Variants in KLF8 observed in about 807,000 individuals in gnomAD.
KLF8 encodes the protein KLF transcription factor 8.
A neutral mutation model predicts 18.2 loss-of-function variants in KLF8; 10 were observed. That is an observed-to-expected ratio of 0.55 (90% CI 0.34 to 0.93). The LOEUF is 0.93. KLF8 is among the 40% of genes least tolerant of loss of function. The pLI is 0.02. For synonymous variants in KLF8, 109 were observed against 97.3 expected, an observed-to-expected ratio of 1.12 and a Z score of -0.71; for missense variants, 264 against 277.9, an observed-to-expected ratio of 0.95 and a Z score of 0.36.
chrX:56,112,510 G>T, the KLF8 span, among the ~76,000 whole-genome samples: 325 of 111,874 alleles, frequency 2.9e-3, 1 homozygote, highest in African/African-American at 9.8e-3. Flanking sequence ...AAACAAATTG[G>T]TATTTTTTGG....
At chrX:55,921,541 T>G in the KLF8 span, among the ~76,000 whole-genome samples, 1 of 109,793 alleles carries the variant, frequency 9.1e-6, no homozygotes, top group African/African-American at 3.3e-5. Flanking sequence ...GCAATACCAT[T>G]CAGGGCATAG....
At chrX:56,056,675 A>G in the KLF8 span, among the ~76,000 whole-genome samples, 12,374 of 84,475 alleles carry the variant, frequency 0.15, 3,213 homozygotes, top group African/African-American at 0.58. Flanking sequence ...GGGAGGGATA[A>G]CATTGGGAGA....
chrX:56,024,468 G>T, the KLF8 span, among the ~76,000 whole-genome samples: 1 of 111,407 alleles, frequency 9.0e-6, no homozygotes, highest in East Asian at 2.8e-4. Context: ...TTTGCAGCAG[G>T]ACGAGCCACG....
the KLF8 span, among the ~76,000 whole-genome samples, chrX:56,157,372 C>T: frequency 9.1e-6 from 1 of 109,616 alleles, no homozygotes; most frequent in South Asian, 3.9e-4. Context: ...TACCCTAGAA[C>T]TTAAAGTACA....
At chrX:56,164,680 G>T in the KLF8 span, among the ~76,000 whole-genome samples, 1 of 85,974 alleles carries the variant, frequency 1.2e-5, no homozygotes, top group Non-Finnish European at 2.3e-5. Context: ...TATGCCCACT[G>T]TTCTGTCTGC....
chrX:56,178,238 T>A, the KLF8 span, among the ~76,000 whole-genome samples: 1 of 112,836 alleles, frequency 8.9e-6, no homozygotes, highest in East Asian at 2.8e-4. Flanking sequence ...TGGCCAGTGA[T>A]GATGAGCATT....
the KLF8 span, among the ~76,000 whole-genome samples, chrX:56,000,171 C>T: frequency 2.7e-5 from 3 of 110,484 alleles, no homozygotes; most frequent in South Asian, 3.9e-4. Flanking sequence ...TGGAAACATC[C>T]CTGCATCTAT....
chrX:56,183,163 G>A, the KLF8 span, among the ~76,000 whole-genome samples: 3 of 112,047 alleles, frequency 2.7e-5, no homozygotes, highest in Non-Finnish European at 5.6e-5. Flanking sequence ...TCAAGCCTCA[G>A]CAATGGCAGA....
chrX:55,996,663 T>C, the KLF8 span, among the ~76,000 whole-genome samples: 1 of 111,841 alleles, frequency 8.9e-6, no homozygotes, highest in African/African-American at 3.3e-5. Flanking sequence ...GGCTGCATAC[T>C]CTAATTCTGG....
intron 3 of KLF8, chrX:56,268,968 T>G: frequency 1.1e-6 from 1 of 935,100 alleles, no homozygotes; most frequent in Non-Finnish European, 1.3e-6. Context: ...AGAATTTGAT[T>G]TTAGGACAGC....
the KLF8 span, among the ~76,000 whole-genome samples, chrX:56,173,734 T>G: frequency 1.8e-5 from 2 of 112,028 alleles, no homozygotes; most frequent in Non-Finnish European, 3.8e-5. Context: ...CCCATGAGCA[T>G]GGAATGTTCT....
At chrX:55,951,409 G>A in the KLF8 span, among the ~76,000 whole-genome samples, 1 of 106,434 alleles carries the variant, frequency 9.4e-6, no homozygotes, top group Non-Finnish European at 1.9e-5. Flanking sequence ...CCGGGAGGTG[G>A]AGGTTGCAGT....
chrX:56,168,332 G>T, the KLF8 span, among the ~76,000 whole-genome samples: 1 of 111,501 alleles, frequency 9.0e-6, no homozygotes, highest in Admixed American at 9.6e-5. Context: ...AAAAAACTTA[G>T]CAGAAATTTA....
At chrX:56,278,160 G>A (rs1367566401) in intron 5 of KLF8, among the ~76,000 whole-genome samples, 1 of 111,899 alleles carries the variant, frequency 8.9e-6, no homozygotes, top group Non-Finnish European at 1.9e-5. Context: ...TGGCCAATTG[G>A]TATCTAAGGC....
chrX:56,069,441 G>T, the KLF8 span, among the ~76,000 whole-genome samples: 1 of 111,410 alleles, frequency 9.0e-6, no homozygotes, highest in African/African-American at 3.3e-5. Context: ...GTGTATTAGA[G>T]CTTCTGGCCC....
At chrX:55,988,350 C>G in the KLF8 span, among the ~76,000 whole-genome samples, 3 of 111,585 alleles carry the variant, frequency 2.7e-5, no homozygotes, top group African/African-American at 9.8e-5. Flanking sequence ...ACATGTAAGT[C>G]TTTAATCCAT....
the KLF8 span, among the ~76,000 whole-genome samples, chrX:56,076,605 G>A: frequency 1.8e-5 from 2 of 111,334 alleles, no homozygotes. Flanking sequence ...AAACATACGT[G>A]TGCATGTGTC....
the KLF8 span, among the ~76,000 whole-genome samples, chrX:56,178,129 C>G: frequency 8.9e-6 from 1 of 111,963 alleles, no homozygotes; most frequent in Non-Finnish European, 1.9e-5. Flanking sequence ...TTCTGACACT[C>G]CGCAGTGAGG....
At chrX:55,938,446 C>A in the KLF8 span, among the ~76,000 whole-genome samples, 3 of 111,636 alleles carry the variant, frequency 2.7e-5, no homozygotes, top group Non-Finnish European at 5.6e-5. Flanking sequence ...ACCATCAAGG[C>A]TAGGAAGAAA....
Sources: gnomAD v4.1 joint callset for allele counts (sites outside exome capture counted in the v4.1 genomes callset) on GRCh38, gnomAD v4.1.1 for gene constraint, MANE v1.5 for transcripts, NCBI Gene and HGNC (gene_info 2026-07-23, HGNC 2026-07-21) for gene names.